Variants in PAMR1 observed in about 807,000 individuals in gnomAD.
PAMR1 encodes the protein peptidase domain containing associated with muscle regeneration 1, also known as inactive serine protease PAMR1.
PAMR1 carries 88 observed loss-of-function variants against 81.8 expected under a neutral mutation model. That is an observed-to-expected ratio of 1.08 (90% CI 0.91 to 1.28). PAMR1 has a LOEUF of 1.28. Ranked by LOEUF, PAMR1 falls within the 50% of genes most tolerant of loss-of-function variation. The probability of loss-of-function intolerance (pLI) is 0.00; values close to 1 mark genes in which losing one functional copy is unlikely to be tolerated. For missense variants in PAMR1, 935 were observed against 919.7 expected, an observed-to-expected ratio of 1.02 and a Z score of -0.21; for synonymous variants, 336 against 345.3, an observed-to-expected ratio of 0.97 and a Z score of 0.30.
chr11:35,527,576 C>T (rs55782193), upstream of PAMR1, among the ~76,000 whole-genome samples: 3 of 151,888 alleles, frequency 2.0e-5, no homozygotes, highest in African/African-American at 4.8e-5. Flanking sequence ...GGCAGAGGTT[C>T]GAAGAAGGGA....
At chr11:35,508,739 C>T (rs566273680) in intron 1 of PAMR1, among the ~76,000 whole-genome samples, 6 of 97,964 alleles carry the variant, frequency 6.1e-5, no homozygotes, top group East Asian at 3.8e-4. Flanking sequence ...TTGTGGAACA[C>T]GTGGATACAA....
intron 1 of PAMR1, among the ~76,000 whole-genome samples, chr11:35,511,852 G>A (rs529419029): frequency 9.9e-5 from 15 of 152,244 alleles, no homozygotes; most frequent in East Asian, 1.9e-4. Flanking sequence ...TGATGACACC[G>A]ACAAGGCCAA....
In PAMR1 at chr11:35,494,169, C is replaced by A; in HGVS notation, c.177G>T (p.Arg59Ser). The A allele has an allele frequency of 6.2e-7, 1 of 1,614,132 alleles. No homozygotes were observed. The highest frequency in any genetic ancestry group is 1.7e-5 in the Admixed American group (1 of 60,034). ...DQIECVCPGK[R>S]EVVGYTIPCC... is the part of the protein sequence containing the mutation. ...AAGGGATGGTATAACCCACGACTTC[C>A]CTCTTTCCGGGGCAGACGCACTCAA... The change falls in exon 2 of 11, where the codon AGG becomes AGT. Residue 59 changes from arginine (R) to serine (S), a missense_variant. Transcript: ENST00000619888.
chr11:35,497,097 C>A (rs1443646772), intron 1 of PAMR1, among the ~76,000 whole-genome samples: 1 of 152,106 alleles, frequency 6.6e-6, no homozygotes, highest in East Asian at 1.9e-4. Context: ...AACCCAGGGG[C>A]AGAGGTTGCA....
chr11:35,461,745 A>T (rs1473069517), intron 6 of PAMR1, among the ~76,000 whole-genome samples: 1 of 152,088 alleles, frequency 6.6e-6, no homozygotes, highest in Non-Finnish European at 1.5e-5. Flanking sequence ...CTCTGAACAC[A>T]CCAAGGAGGA....
rs1188923564 is a variant in PAMR1, at chr11:35,492,065, C to G, written c.359G>C (p.Trp120Ser). 6.2e-7 allele frequency: 1 copy of G among 1,613,722 alleles called. No homozygotes were observed. The highest frequency in any genetic ancestry group is 2.2e-5 in the East Asian group (1 of 44,872). The part of the protein sequence containing the change: ...GFYCAECRAG[W>S]YGGDCMRCGQ... ...CTTACGCATGCAGTCTCCTCCGTAC[C>G]AGCCTGCTCGGCACTCTGCACAGTA... Residue 120 changes from tryptophan (W) to serine (S), a missense_variant, in exon 3 of 11, where the codon TGG (tryptophan) becomes TCG (serine). Coordinates refer to ENST00000619888, the MANE Select transcript of PAMR1 (RefSeq NM_001001991.3).
At chr11:35,470,295 C>T (rs1479637725) in intron 5 of PAMR1, among the ~76,000 whole-genome samples, 1 of 152,156 alleles carries the variant, frequency 6.6e-6, no homozygotes, top group Non-Finnish European at 1.5e-5. Context: ...AGCTCTAGAG[C>T]CGAACAGCTT....
At chr11:35,448,550 C>T (rs1856343888) in intron 6 of PAMR1, among the ~76,000 whole-genome samples, 2 of 152,202 alleles carry the variant, frequency 1.3e-5, no homozygotes, top group African/African-American at 4.8e-5. Flanking sequence ...AGTGTTTTAT[C>T]ATGATTCTTA....
chr11:35,524,188 G>A (rs1393805454), intron 1 of PAMR1, among the ~76,000 whole-genome samples: 1 of 152,118 alleles, frequency 6.6e-6, no homozygotes, highest in Admixed American at 6.5e-5. Context: ...TTTATGGATT[G>A]TCAGCCCTTA....
At position 35,497,288 on chromosome 11, in the gene PAMR1, C is replaced by T. The variant is rs534411125; in HGVS notation, c.74-3016G>A. 8.5e-5 allele frequency among the ~76,000 whole-genome samples: 13 copies of T among 152,170 alleles called. No individual in the cohort carries two copies. The South Asian group carries it at 2.3e-3, about 27-fold the overall frequency. On this transcript the variant is annotated intron_variant, in intron 1 of 10. Transcript: ENST00000619888. ...TGCTAGGTGCTACAATGTAAATGAACCTTGAAATCATGCCAAGCAAAAGAA... is the reference window on the plus strand; with the variant it reads ...TGCTAGGTGCTACAATGTAAATGAATCTTGAAATCATGCCAAGCAAAAGAA...
At chr11:35,466,726 C>CAAAAAAAA (rs71044519) in intron 6 of PAMR1, among the ~76,000 whole-genome samples, 7 of 63,976 alleles carry the variant, frequency 1.1e-4, no homozygotes, top group African/African-American at 4.4e-4. Context: ...GGCTCTATCT[C>CAAAAAAAA]AAAAAAAAAA....
intron 6 of PAMR1, among the ~76,000 whole-genome samples, chr11:35,442,383 C>T (rs1856189250): frequency 6.6e-6 from 1 of 152,162 alleles, no homozygotes; most frequent in Non-Finnish European, 1.5e-5. Flanking sequence ...ATGGCATCAG[C>T]AGCTATTCTG....
chr11:35,436,793 A>G (rs1162983770), intron 8 of PAMR1, among the ~76,000 whole-genome samples: 1 of 152,214 alleles, frequency 6.6e-6, no homozygotes, highest in African/African-American at 2.4e-5. Context: ...GATTTTAACC[A>G]AAGACAATAA....
At chr11:35,527,105 G>T (rs116088476), upstream of PAMR1, among the ~76,000 whole-genome samples, 7,177 of 152,224 alleles carry the variant, frequency 0.047, 336 homozygotes, top group African/African-American at 0.11. Context: ...CCTGACACAG[G>T]TGCTCTACTA....
chr11:35,501,133 CTTTTTTT>C (rs34831742), intron 1 of PAMR1, among the ~76,000 whole-genome samples: 1 of 135,594 alleles, frequency 7.4e-6, no homozygotes, highest in East Asian at 2.2e-4. Context: ...CTTTTTTTTT[CTTTTTTT>C]TTTTTTTTGA....
At chr11:35,479,673 G>A (rs983332453) in intron 3 of PAMR1, among the ~76,000 whole-genome samples, 2 of 152,184 alleles carry the variant, frequency 1.3e-5, no homozygotes, top group African/African-American at 4.8e-5. Flanking sequence ...GCAGAGCCAA[G>A]GATTAGATGA....
At chr11:35,471,090 G>T (rs998936537) in intron 4 of PAMR1, among the ~76,000 whole-genome samples, 2 of 152,188 alleles carry the variant, frequency 1.3e-5, no homozygotes, top group Admixed American at 6.5e-5. Context: ...GCATGTGTTG[G>T]TCTCTTTTCC....
At chr11:35,501,136 T>TTTTTTTC (rs1850831257) in intron 1 of PAMR1, among the ~76,000 whole-genome samples, 1 of 49,810 alleles carries the variant, frequency 2.0e-5, no homozygotes, top group Non-Finnish European at 3.8e-5. Context: ...TTTTTTTCTT[T>TTTTTTTC]TTTTTTTTTT....
chr11:35,505,413 T>C (rs772565620), intron 1 of PAMR1, among the ~76,000 whole-genome samples: 7 of 152,150 alleles, frequency 4.6e-5, no homozygotes, highest in Non-Finnish European at 1.0e-4. Context: ...GATTGAATGA[T>C]CTGTCCATTG....
Sources: allele counts gnomAD v4.1 joint callset (sites outside exome capture counted in the v4.1 genomes callset), GRCh38; gene constraint gnomAD v4.1.1; transcripts MANE v1.5; gene names NCBI Gene and HGNC (gene_info 2026-07-23, HGNC 2026-07-21).